FOXP4: variants seen among roughly 807,000 people sequenced by gnomAD.
FOXP4 encodes the protein forkhead box protein P4.
In FOXP4, 25 loss-of-function variants were observed where a neutral mutation model predicts 82.6. The observed-to-expected ratio is 0.30, with a 90% confidence interval of 0.22 to 0.42. FOXP4 has a LOEUF of 0.42. Ranked by LOEUF, FOXP4 falls within the 10% of genes least tolerant of loss-of-function variation. FOXP4 has a pLI of 1.00. For missense variants in FOXP4, 785 were observed against 900.9 expected (o/e 0.87, Z 1.65); for synonymous variants, 415 against 388.2 (o/e 1.07, Z -0.81).
At chr6:41,588,793 AC>A in intron 9 of FOXP4, 62 bp downstream of exon 9, 2 of 1,578,000 alleles carry the variant, frequency 1.3e-6, no homozygotes, top group Non-Finnish European at 1.7e-6. Context: ...CACCCACAGC[AC>A]TGACTTGCTA....
rs749616183 is a variant in FOXP4, at chr6:41,593,324, A to G, written c.1537-1546A>G. Among the ~76,000 whole-genome samples, 2 of 151,988 alleles carry G rather than the reference A, an allele frequency of 1.3e-5. No individual in the cohort carries two copies. The highest frequency in any genetic ancestry group is 2.9e-5 in the Non-Finnish European group (2 of 67,996). On this transcript the variant is annotated intron_variant, in intron 13 of 16. Coordinates refer to ENST00000307972, the MANE Select transcript of FOXP4 (RefSeq NM_001012426.2). This position sits in a 1 kb window ranked among gnomAD's most constrained non-coding sequence, Gnocchi z 4.1. ...CAGGGCAGAAGGGTTGGGAGCGGGCATGGTGTGGGCCCAGCCAGCTGCCGT... is the reference window on the plus strand; with the variant it reads ...CAGGGCAGAAGGGTTGGGAGCGGGCGTGGTGTGGGCCCAGCCAGCTGCCGT...
chr6:41,589,525 G>A (rs1222018693), intron 9 of FOXP4, among the ~76,000 whole-genome samples: 3 of 152,252 alleles, frequency 2.0e-5, no homozygotes, highest in African/African-American at 4.8e-5. Context: ...CGCACTGGGA[G>A]GGCTCAAATG....
rs1220600768 is a variant in FOXP4, at chr6:41,546,746, C to T, written c.-138C>T. On this transcript the variant is annotated 5_prime_UTR_variant, in exon 1 of 17. Transcript: ENST00000307972. ...GAGGACGCCCGGGAGCTGCGCGACG[C>T]GGGGCGGCGCGGAAGGGCAGCCCCG... 6.8e-6 allele frequency: 1 copy of T among 146,476 alleles called. No homozygotes were observed. The highest frequency in any genetic ancestry group is 2.0e-4 in the East Asian group (1 of 5,090). The allele number at this position is 146,476 out of a possible 1,614,324, so 9.1% of individuals were successfully genotyped here. A position where few individuals can be genotyped will look rare whatever the true frequency, so the allele number is the denominator to read the frequency against.
chr6:41,577,903 C>T (rs1034291394), intron 2 of FOXP4, 83 bp from the exon 3 acceptor site: 2 of 986,154 alleles, frequency 2.0e-6, no homozygotes, highest in African/African-American at 1.6e-5. Flanking sequence ...TGATCTCCTT[C>T]TCCTTACTGC....
At chr6:41,590,963 C>T (rs1221570203) in intron 12 of FOXP4, among the ~76,000 whole-genome samples, 1 of 152,248 alleles carries the variant, frequency 6.6e-6, no homozygotes, top group Admixed American at 6.5e-5. Flanking sequence ...CCAGAAGCAG[C>T]TCCAATCCTT....
chr6:41,556,696 C>T (rs1764298938), intron 1 of FOXP4, among the ~76,000 whole-genome samples: 2 of 152,168 alleles, frequency 1.3e-5, no homozygotes, highest in African/African-American at 4.8e-5. Context: ...TGGCTCAGCT[C>T]AGAAGCCACC....
chr6:41,564,476 A>G (rs1011997212), intron 1 of FOXP4, among the ~76,000 whole-genome samples: 2 of 152,168 alleles, frequency 1.3e-5, no homozygotes, highest in African/African-American at 4.8e-5. Context: ...TGGAACCTCT[A>G]TGAGTTATAA....
intron 7 of FOXP4, 64 bp downstream of exon 7, chr6:41,587,576 C>A: frequency 7.5e-7 from 1 of 1,329,502 alleles, no homozygotes; most frequent in Non-Finnish European, 1.0e-6. Flanking sequence ...GGCCCCCCAC[C>A]CATGAGGGCT....
chr6:41,566,053 C>G, intron 2 of FOXP4, 89 bp downstream of exon 2: 3 of 1,346,304 alleles, frequency 2.2e-6, no homozygotes, highest in South Asian at 1.4e-5. Flanking sequence ...GAGCACCACT[C>G]CCTGCCAGGC....
chr6:41,578,460 C>G (rs560958001), intron 3 of FOXP4, among the ~76,000 whole-genome samples: 1 of 152,094 alleles, frequency 6.6e-6, no homozygotes, highest in East Asian at 1.9e-4. Flanking sequence ...CTCTGTGTTC[C>G]TGTGTCTGGG....
At chr6:41,550,905 G>A (rs988207898) in intron 1 of FOXP4, among the ~76,000 whole-genome samples, 1 of 152,168 alleles carries the variant, frequency 6.6e-6, no homozygotes, top group African/African-American at 2.4e-5. Context: ...TAGCCTACAC[G>A]TCCTTATGGA....
chr6:41,573,187 AG>A (rs1470961137), intron 2 of FOXP4, among the ~76,000 whole-genome samples: 1 of 152,080 alleles, frequency 6.6e-6, no homozygotes, highest in Non-Finnish European at 1.5e-5. Context: ...GCCTGCTGAA[AG>A]GACTGGTAAA....
At position 41,599,172 on chromosome 6, in the gene FOXP4, C is replaced by G. The variant is rs945678564; in HGVS notation, c.*236C>G. The G allele has an allele frequency of 4.3e-6, 2 of 461,554 alleles. No homozygotes were observed. Among genetic ancestry groups the G allele is most frequent in the Non-Finnish European group, 7.5e-6 (2 of 265,070 alleles). 28.6% of individuals were successfully genotyped at this position (461,554 alleles called of 1,614,324 possible). ...GGACCAGTAGAGGACACGGAGGGTT[C>G]AGACCCCTCCTCAGACCCTCCCCAC... is the stretch of plus-strand genomic sequence containing the variant. On this transcript the variant is annotated 3_prime_UTR_variant, in exon 17 of 17. Coordinates refer to ENST00000307972, the MANE Select transcript of FOXP4 (RefSeq NM_001012426.2).
At chr6:41,560,608 G>C (rs1249476565) in intron 1 of FOXP4, among the ~76,000 whole-genome samples, 1 of 152,182 alleles carries the variant, frequency 6.6e-6, no homozygotes, top group South Asian at 2.1e-4. Flanking sequence ...CCTCCCCCGC[G>C]GGTAAACTCC....
chr6:41,590,380 T>G, intron 12 of FOXP4, 33 bp downstream of exon 12: 1 of 1,605,394 alleles, frequency 6.2e-7, no homozygotes, highest in Non-Finnish European at 8.5e-7. Context: ...GGGTGGGGAA[T>G]GGCACACAGG....
chr6:41,581,646 G>A (rs1421922098), intron 3 of FOXP4, among the ~76,000 whole-genome samples: 2 of 152,228 alleles, frequency 1.3e-5, no homozygotes. Flanking sequence ...AAGGAGAGGT[G>A]GATGAGGTCA....
At chr6:41,581,441 G>A (rs920107685) in intron 3 of FOXP4, among the ~76,000 whole-genome samples, 1 of 152,162 alleles carries the variant, frequency 6.6e-6, no homozygotes, top group Admixed American at 6.5e-5. Context: ...GGCAGCTGCC[G>A]GCGTTTGGCC....
At chr6:41,554,549 G>A (rs116820224) in intron 1 of FOXP4, among the ~76,000 whole-genome samples, 1,912 of 152,258 alleles carry the variant, frequency 0.013, 34 homozygotes, top group African/African-American at 0.043. Context: ...TCTAGTGTGG[G>A]ACAGTGTCTG....
At chr6:41,585,244 C>T (rs1260226359) in intron 4 of FOXP4, among the ~76,000 whole-genome samples, 187 bp from the exon 5 acceptor site, 1 of 152,140 alleles carries the variant, frequency 6.6e-6, no homozygotes, top group Non-Finnish European at 1.5e-5. Context: ...GAATGAAACT[C>T]CTCCATCCCT....
Sources: allele counts gnomAD v4.1 joint callset (sites outside exome capture counted in the v4.1 genomes callset), GRCh38; gene constraint gnomAD v4.1.1; non-coding constraint Gnocchi (gnomAD v3.1); transcripts MANE v1.5; gene names NCBI Gene and HGNC (gene_info 2026-07-23, HGNC 2026-07-21).